Variants in ANO1 observed in about 807,000 individuals in gnomAD.
ANO1 encodes anoctamin 1, also known as anoctamin-1.
ANO1 carries 59 observed loss-of-function variants against 124.0 expected under a neutral mutation model. The observed-to-expected ratio is 0.48, with a 90% CI of 0.39 to 0.59. ANO1 has a LOEUF of 0.59. Among genes scored for constraint, ANO1 ranks in the 20% least tolerant of loss-of-function variants. The pLI, the probability that ANO1 is intolerant of heterozygous loss-of-function variation, is 0.00. For missense variants in ANO1, 1,059 were observed against 1,328.0 expected (o/e 0.80, Z 3.15); for synonymous variants, 529 against 532.0 (o/e 0.99, Z 0.08).
At chr11:70,043,730 T>C (rs1857215252) in intron 1 of ANO1, among the ~76,000 whole-genome samples, 1 of 151,950 alleles carries the variant, frequency 6.6e-6, no homozygotes, top group Admixed American at 6.6e-5. Context: ...AAAATATATT[T>C]CAAAAATAAA....
chr11:70,034,848 GGC>G (rs1384939573), intron 1 of ANO1, among the ~76,000 whole-genome samples: 2 of 152,094 alleles, frequency 1.3e-5, no homozygotes, highest in African/African-American at 4.8e-5. Context: ...AACACACAGG[GGC>G]AGCCAGAGGC....
chr11:70,078,744 G>A, intron 1 of ANO1, 30 bp downstream of exon 1: 1 of 1,408,252 alleles, frequency 7.1e-7, no homozygotes, highest in African/African-American at 1.5e-5. Flanking sequence ...ACCCGGGCGG[G>A]AGGGCCGCGC....
intron 12 of ANO1, 137 bp downstream of exon 12, chr11:70,149,929 C>T: frequency 1.1e-6 from 1 of 883,806 alleles, no homozygotes; most frequent in African/African-American, 1.7e-5. Context: ...GCCCCCCATC[C>T]CCCACCCCCT....
intron 24 of ANO1, among the ~76,000 whole-genome samples, chr11:70,184,365 G>A (rs1033158743): frequency 6.6e-6 from 1 of 152,180 alleles, no homozygotes; most frequent in Non-Finnish European, 1.5e-5. Flanking sequence ...AGCACGGGCA[G>A]TGGTCATGAA....
chr11:70,047,707 C>T (rs781876539), intron 1 of ANO1, among the ~76,000 whole-genome samples: 2 of 152,164 alleles, frequency 1.3e-5, no homozygotes, highest in South Asian at 4.1e-4. Context: ...TTGATGATTG[C>T]ATAATAAAAT....
At chr11:70,163,593 G>T in intron 19 of ANO1, 3 of 599,828 alleles carry the variant, frequency 5.0e-6, no homozygotes, top group South Asian at 4.2e-5. Flanking sequence ...CACAACATCT[G>T]GTTTTCTTTT....
chr11:70,077,000 G>A (rs113993305), upstream of ANO1, among the ~76,000 whole-genome samples: 216 of 71,258 alleles, frequency 3.0e-3, 1 homozygote, highest in African/African-American at 9.3e-3. Flanking sequence ...CTGGCACAAG[G>A]TCACAAGGCT....
the ANO1 span, among the ~76,000 whole-genome samples, chr11:69,976,560 A>AGG: frequency 2.2e-5 from 3 of 137,992 alleles, no homozygotes; most frequent in South Asian, 2.4e-4. Flanking sequence ...AAAAAGAGAG[A>AGG]GAGAGAGAGA....
chr11:70,167,427 A>C (rs1590905729), intron 21 of ANO1, 40 bp downstream of exon 21: 1 of 1,585,334 alleles, frequency 6.3e-7, no homozygotes, highest in Non-Finnish European at 8.6e-7. Flanking sequence ...ATCAGGATAG[A>C]AACAGGCCAG....
intron 10 of ANO1, among the ~76,000 whole-genome samples, chr11:70,127,978 C>T (rs940155620): frequency 6.6e-6 from 1 of 152,202 alleles, no homozygotes; most frequent in Admixed American, 6.5e-5. Flanking sequence ...ATTTTTCGAA[C>T]CACTCCTGCC....
chr11:69,970,864 G>T, the ANO1 span, among the ~76,000 whole-genome samples: 1 of 152,172 alleles, frequency 6.6e-6, no homozygotes, highest in Non-Finnish European at 1.5e-5. Context: ...CCACCTTGTG[G>T]CCCAAGATGG....
chr11:70,123,442 A>G (rs1175135726), intron 8 of ANO1, among the ~76,000 whole-genome samples: 1 of 152,158 alleles, frequency 6.6e-6, no homozygotes, highest in African/African-American at 2.4e-5. Flanking sequence ...AGCTGTGGAG[A>G]TGGCTCACAC....
At chr11:69,998,909 T>C (rs559663739) in intron 1 of ANO1, among the ~76,000 whole-genome samples, 1 of 152,034 alleles carries the variant, frequency 6.6e-6, no homozygotes, top group South Asian at 2.1e-4. Context: ...GATAGCACCA[T>C]TGCACTGCAG....
chr11:69,979,026 A>T, the ANO1 span, among the ~76,000 whole-genome samples: 1 of 151,994 alleles, frequency 6.6e-6, no homozygotes, highest in African/African-American at 2.4e-5. Flanking sequence ...AATTCCAAAA[A>T]CTCGAGCGAT....
the ANO1 span, among the ~76,000 whole-genome samples, chr11:69,969,767 T>G: frequency 6.6e-6 from 1 of 152,014 alleles, no homozygotes; most frequent in African/African-American, 2.4e-5. Flanking sequence ...GCCAATATGG[T>G]GAAACCCCGT....
intron 1 of ANO1, among the ~76,000 whole-genome samples, chr11:70,017,496 TTCCC>T (rs71046570): frequency 0.097 from 12,945 of 133,942 alleles, 841 homozygotes; most frequent in East Asian, 0.42. Context: ...CCTCCTTTAC[TTCCC>T]TCCCTCCCTC....
At chr11:70,140,889 A>G (rs2047131267) in intron 11 of ANO1, among the ~76,000 whole-genome samples, 1 of 152,168 alleles carries the variant, frequency 6.6e-6, no homozygotes, top group Admixed American at 6.5e-5. Flanking sequence ...AGAGGCTGGG[A>G]ATGCCTCACT....
chr11:70,115,953 G>T (rs1168123895), intron 7 of ANO1, among the ~76,000 whole-genome samples: 1 of 152,134 alleles, frequency 6.6e-6, no homozygotes, highest in African/African-American at 2.4e-5. Context: ...TTGCTTCTCG[G>T]AGCCTCAGTG....
At chr11:69,976,385 T>C in the ANO1 span, among the ~76,000 whole-genome samples, 6 of 151,550 alleles carry the variant, frequency 4.0e-5, no homozygotes, top group Non-Finnish European at 7.4e-5. Context: ...TGGGCGCCTG[T>C]AGTCGCAGCT....
Sources: gnomAD v4.1 joint callset for allele counts (sites outside exome capture counted in the v4.1 genomes callset) on GRCh38, gnomAD v4.1.1 for gene constraint, MANE v1.5 for transcripts, NCBI Gene and HGNC (gene_info 2026-07-23, HGNC 2026-07-21) for gene names.